The following CDH20 variants were observed in gnomAD, a reference collection of about 807,000 sequenced individuals.
The protein encoded by CDH20 is cadherin-20.
In CDH20, 29 loss-of-function variants were observed where a neutral mutation model predicts 74.2. The ratio of observed to expected loss-of-function variants is 0.39; its 90% CI spans 0.29 to 0.53. The LOEUF is 0.53. Among genes scored for constraint, CDH20 ranks in the 20% least tolerant of loss-of-function variants. The probability of loss-of-function intolerance (pLI) is 0.69; values close to 1 mark genes in which losing one functional copy is unlikely to be tolerated. For synonymous variants in CDH20, 469 were observed against 405.4 expected, an observed-to-expected ratio of 1.16 and a Z score of -1.88; for missense variants, 988 against 1,048.3, an observed-to-expected ratio of 0.94 and a Z score of 0.79.
At chr18:61,484,911 G>GCACTCT (rs762578435) in intron 1 of CDH20, among the ~76,000 whole-genome samples, 8 of 152,120 alleles carry the variant, frequency 5.3e-5, no homozygotes, top group Non-Finnish European at 1.0e-4. Context: ...TTACAAAACA[G>GCACTCT]CACTCTCGCA....
At chr18:61,482,106 G>C (rs554842815) in intron 1 of CDH20, among the ~76,000 whole-genome samples, 61 of 152,212 alleles carry the variant, frequency 4.0e-4, no homozygotes, top group African/African-American at 1.3e-3. Flanking sequence ...CACCAGGACA[G>C]GGAAGCTGGA....
chr18:61,420,192 A>G (rs1912826683), intron 1 of CDH20, among the ~76,000 whole-genome samples: 1 of 152,122 alleles, frequency 6.6e-6, no homozygotes. Flanking sequence ...CTGGCTACTG[A>G]GCGTTTGCAT....
At chr18:61,528,590 C>T (rs1216878880) in intron 7 of CDH20, among the ~76,000 whole-genome samples, 1 of 152,054 alleles carries the variant, frequency 6.6e-6, no homozygotes, top group Admixed American at 6.6e-5. Flanking sequence ...CATCTCTGGC[C>T]TTTACGCACG....
chr18:61,418,033 A>G (rs1912749313), intron 1 of CDH20, among the ~76,000 whole-genome samples: 1 of 152,234 alleles, frequency 6.6e-6, no homozygotes, highest in Non-Finnish European at 1.5e-5. Flanking sequence ...ATCATAATAA[A>G]AATGACAAAA....
chr18:61,437,371 G>C (rs1908873429), intron 1 of CDH20, among the ~76,000 whole-genome samples: 1 of 152,134 alleles, frequency 6.6e-6, no homozygotes, highest in South Asian at 2.1e-4. Flanking sequence ...GCCATTTATG[G>C]CCCTTACAAC....
In CDH20 at chr18:61,550,016, C is replaced by T. The variant is rs1913376714; in HGVS notation, c.1687C>T (p.Arg563Trp). 2.5e-6 allele frequency: 4 copies of T among 1,614,144 alleles called. No homozygotes were observed. The highest frequency in any genetic ancestry group is 1.1e-5 in the South Asian group (1 of 91,070). ...ARILTRRSGF[R>W]QQEQSVFHLP... ...GATTCTAACCAGGAGGTCTGGTTTC[C>T]GGCAGCAGGAGCAGAGTGTCTTTCA... is the stretch of plus-strand genomic sequence containing the variant. The change falls in exon 11 of 12, where the codon CGG becomes TGG. Residue 563 changes from arginine (R) to tryptophan (W), a missense_variant. Coordinates refer to ENST00000262717, the MANE Select transcript of CDH20 (RefSeq NM_031891.4).
chr18:61,442,889 A>G (rs1179952991), intron 1 of CDH20, among the ~76,000 whole-genome samples: 1 of 139,510 alleles, frequency 7.2e-6, no homozygotes, highest in Non-Finnish European at 1.5e-5. Context: ...CCTCAGATTT[A>G]AAGATCTAAT....
At chr18:61,442,983 C>T (rs749479657) in intron 1 of CDH20, among the ~76,000 whole-genome samples, 18 of 152,010 alleles carry the variant, frequency 1.2e-4, no homozygotes, top group South Asian at 8.3e-4. Flanking sequence ...AAAGAGCGTA[C>T]GCATATTCAT....
chr18:61,341,196 G>T (rs1953272638), intron 1 of CDH20, among the ~76,000 whole-genome samples: 1 of 152,156 alleles, frequency 6.6e-6, no homozygotes, highest in South Asian at 2.1e-4. Flanking sequence ...ACTAATAACA[G>T]AAATTTATTT....
chr18:61,492,308 T>A (rs1018530288), intron 2 of CDH20, among the ~76,000 whole-genome samples: 1 of 152,084 alleles, frequency 6.6e-6, no homozygotes, highest in Non-Finnish European at 1.5e-5. Flanking sequence ...AAATCCTGCA[T>A]TTCTCTTATC....
At chr18:61,509,690 TACTC>T (rs1297139995) in intron 6 of CDH20, among the ~76,000 whole-genome samples, 1 of 152,156 alleles carries the variant, frequency 6.6e-6, no homozygotes, top group Non-Finnish European at 1.5e-5. Context: ...TCATTATAAA[TACTC>T]AGTAGGCTGT....
chr18:61,426,369 A>G (rs973089883), intron 1 of CDH20, among the ~76,000 whole-genome samples: 22 of 152,260 alleles, frequency 1.4e-4, no homozygotes, highest in African/African-American at 5.1e-4. Context: ...AGGACATAAA[A>G]TTTAGAAAGG....
intron 6 of CDH20, among the ~76,000 whole-genome samples, chr18:61,523,827 C>G (rs1200387556): frequency 1.3e-5 from 2 of 152,084 alleles, no homozygotes; most frequent in Non-Finnish European, 2.9e-5. Flanking sequence ...AAACTAAACA[C>G]TGCATGTTCT....
chr18:61,341,354 T>C (rs1281542164), intron 1 of CDH20, among the ~76,000 whole-genome samples: 2 of 152,036 alleles, frequency 1.3e-5, no homozygotes, highest in African/African-American at 4.8e-5. Context: ...GGGGTCCCCC[T>C]TTTTTTAAGG....
intron 6 of CDH20, among the ~76,000 whole-genome samples, chr18:61,508,210 T>C (rs1038576741): frequency 2.0e-5 from 3 of 152,246 alleles, no homozygotes; most frequent in Non-Finnish European, 2.9e-5. Flanking sequence ...ATATATCTAA[T>C]GAAATACATT....
chr18:61,489,467 C>A (rs551287008), intron 1 of CDH20, among the ~76,000 whole-genome samples: 25 of 151,854 alleles, frequency 1.6e-4, no homozygotes, highest in African/African-American at 5.3e-4. Context: ...GAGTGTTATG[C>A]CATCTCATTA....
intron 1 of CDH20, among the ~76,000 whole-genome samples, chr18:61,342,008 AT>A (rs1909967144): frequency 6.6e-6 from 1 of 152,170 alleles, no homozygotes; most frequent in South Asian, 2.1e-4. Context: ...ATATTAATCC[AT>A]TTGGCAGTTA....
chr18:61,545,154 T>A lies in CDH20; in HGVS notation c.1648+10T>A. ...ATAAGGGACAACCAAGGTAATCAGG[T>A]GGATGGTTGGCTATCTGTGCTTTTC... On this transcript the variant is annotated intron_variant, in intron 10 of 11. Coordinates refer to ENST00000262717, the MANE Select transcript of CDH20 (RefSeq NM_031891.4). The A allele has an allele frequency of 1.3e-6, 2 of 1,551,738 alleles. No homozygotes were observed. Among genetic ancestry groups the A allele is most frequent in the East Asian group, 4.5e-5 (2 of 44,552 alleles).
intron 1 of CDH20, among the ~76,000 whole-genome samples, chr18:61,341,880 C>T (rs7359794): frequency 0.41 from 62,604 of 152,026 alleles, 13,679 homozygotes; most frequent in East Asian, 0.7. Context: ...GTTATAGTTG[C>T]GTCTACCTTT....
Sources: gnomAD v4.1 joint callset for allele counts (sites outside exome capture counted in the v4.1 genomes callset) on GRCh38, gnomAD v4.1.1 for gene constraint, MANE v1.5 for transcripts, NCBI Gene and HGNC (gene_info 2026-07-23, HGNC 2026-07-21) for gene names.